Variants in STON2 observed in about 807,000 individuals in gnomAD.
STON2 encodes the protein stonin 2, also known as stonin-2.
Under a neutral mutation model 65.7 loss-of-function variants are expected in STON2, and 29 were observed. That is an observed-to-expected ratio of 0.44 (90% CI 0.33 to 0.60). STON2 has a LOEUF of 0.60. Ranked by LOEUF, STON2 falls within the 20% of genes least tolerant of loss-of-function variation. STON2 has a pLI of 0.03. For missense variants in STON2, 1,054 were observed against 1,118.1 expected, an observed-to-expected ratio of 0.94 and a Z score of 0.82; for synonymous variants, 404 against 414.2, an observed-to-expected ratio of 0.98 and a Z score of 0.30.
At chr14:81,373,672 C>T (rs899379348) in intron 3 of STON2, among the ~76,000 whole-genome samples, 1 of 152,012 alleles carries the variant, frequency 6.6e-6, no homozygotes, top group Non-Finnish European at 1.5e-5. Flanking sequence ...ATGAAGAAGG[C>T]AAACAATAAA....
chr14:81,427,733 G>A (rs936735058), intron 1 of STON2, among the ~76,000 whole-genome samples: 2 of 151,906 alleles, frequency 1.3e-5, no homozygotes, highest in African/African-American at 4.8e-5. Context: ...AAAAGAGAGA[G>A]AGAAAAAAGT....
intron 7 of STON2, chr14:81,268,757 A>G: frequency 7.6e-6 from 4 of 529,222 alleles, no homozygotes; most frequent in Non-Finnish European, 9.7e-6. Context: ...ATTTGGTCAA[A>G]GATCACCCCT....
intron 5 of STON2, among the ~76,000 whole-genome samples, chr14:81,293,521 T>C (rs1242278441): frequency 6.6e-6 from 1 of 152,214 alleles, no homozygotes; most frequent in East Asian, 1.9e-4. Context: ...CTGTGGGAGA[T>C]AACAAAAATG....
At position 81,416,383 on chromosome 14, in the gene STON2, G is replaced by A. The variant is rs558164876; in HGVS notation, c.-199+10719C>T. 5.9e-5 allele frequency among the ~76,000 whole-genome samples: 9 copies of A among 152,122 alleles called. No homozygotes were observed. The South Asian group carries it at 8.3e-4, about 14-fold the overall frequency. On this transcript the variant is annotated intron_variant, in intron 2 of 8. Transcript: ENST00000553821. ...AGAAGGAGGAGACCTTAGAAATTTCGGGAAAAAAAGGAAGTAGTGGTGTGA... is the reference window on the plus strand; with the variant it reads ...AGAAGGAGGAGACCTTAGAAATTTCAGGAAAAAAAGGAAGTAGTGGTGTGA...
chr14:81,354,804 G>A (rs1447082053), intron 4 of STON2, among the ~76,000 whole-genome samples: 1 of 152,110 alleles, frequency 6.6e-6, no homozygotes, highest in East Asian at 1.9e-4. Context: ...GGATCATGAG[G>A]TCAGGAGTTC....
intron 6 of STON2, among the ~76,000 whole-genome samples, chr14:81,273,543 T>A (rs2140107449): frequency 6.6e-6 from 1 of 152,300 alleles, no homozygotes; most frequent in South Asian, 2.1e-4. Flanking sequence ...CTTCTAAGAT[T>A]AAGAAAAACT....
At chr14:81,270,560 AGAG>A in intron 7 of STON2, 107 bp downstream of exon 7, 1 of 1,600,224 alleles carries the variant, frequency 6.2e-7, no homozygotes, top group Non-Finnish European at 8.5e-7. Context: ...TAAGGCAGTA[AGAG>A]GTTACCAGGC....
chr14:81,426,513 TCTC>T (rs1476814817), intron 2 of STON2, among the ~76,000 whole-genome samples: 1 of 152,176 alleles, frequency 6.6e-6, no homozygotes, highest in South Asian at 2.1e-4. Context: ...TCACCTGACT[TCTC>T]CTGGTGCCCA....
chr14:81,415,285 T>TGCTGAGGCCAGAGAGGCCTCA (rs138029614), intron 2 of STON2, among the ~76,000 whole-genome samples: 3 of 151,708 alleles, frequency 2.0e-5, no homozygotes, highest in Admixed American at 6.6e-5. Context: ...TTCAGAGAAA[T>TGCTGAGGCCAGAGAGGCCTCA]GCTGAGGCCA....
At chr14:81,300,826 T>C (rs932406521) in intron 5 of STON2, among the ~76,000 whole-genome samples, 1 of 152,152 alleles carries the variant, frequency 6.6e-6, no homozygotes, top group Non-Finnish European at 1.5e-5. Flanking sequence ...TCTACTCCTA[T>C]GTTTGTTCTC....
chr14:81,279,750 T>C (rs928767758), intron 5 of STON2, among the ~76,000 whole-genome samples: 1 of 151,444 alleles, frequency 6.6e-6, no homozygotes. Flanking sequence ...TAGTGCTCAA[T>C]GAGGGTAAAG....
At chr14:81,428,521 G>A (rs754861402) in intron 1 of STON2, among the ~76,000 whole-genome samples, 1 of 152,084 alleles carries the variant, frequency 6.6e-6, no homozygotes, top group South Asian at 2.1e-4. Flanking sequence ...CCAGAAGTTC[G>A]AGACTAGCCA....
In STON2 at chr14:81,370,187, T is replaced by C. The variant is rs1036729928; in HGVS notation, c.571+801A>G. On this transcript the variant is annotated intron_variant, in intron 4 of 7. Coordinates refer to ENST00000614646, the MANE Select transcript of STON2 (RefSeq NM_001394390.1). Reference sequence around the variant, plus strand: ...AATGATCTAGAAACTCTGAACAACATTGAAGAGGAAAAACAAATCTTGTCA... The same window carrying C: ...AATGATCTAGAAACTCTGAACAACACTGAAGAGGAAAAACAAATCTTGTCA... 2.6e-5 allele frequency among the ~76,000 whole-genome samples: 4 copies of C among 152,256 alleles called. No individual in the cohort carries two copies. In the East Asian group the frequency reaches 7.7e-4, roughly 29 times the overall value.
At chr14:81,334,701 TG>T (rs140006491) in intron 4 of STON2, among the ~76,000 whole-genome samples, 1,885 of 152,240 alleles carry the variant, frequency 0.012, 35 homozygotes, top group African/African-American at 0.043. Flanking sequence ...AGAAAACTAC[TG>T]GCAATCCCAA....
intron 5 of STON2, among the ~76,000 whole-genome samples, chr14:81,298,568 A>G (rs1251500350): frequency 6.6e-6 from 1 of 151,988 alleles, no homozygotes; most frequent in Non-Finnish European, 1.5e-5. Context: ...TGACACACAC[A>G]ATCTGTTGGT....
chr14:81,305,317 C>T (rs1896128847), intron 5 of STON2, among the ~76,000 whole-genome samples: 1 of 152,212 alleles, frequency 6.6e-6, no homozygotes, highest in Non-Finnish European at 1.5e-5. Context: ...CCAATTTACA[C>T]TCCCACCCAC....
At chr14:81,378,875 A>G (rs1253623677) in intron 3 of STON2, among the ~76,000 whole-genome samples, 2 of 152,236 alleles carry the variant, frequency 1.3e-5, no homozygotes, top group Admixed American at 1.3e-4. Context: ...AATAAATTTT[A>G]GTCTTTATTC....
chr14:81,282,380 T>C (rs574259304), intron 5 of STON2, among the ~76,000 whole-genome samples: 1 of 152,326 alleles, frequency 6.6e-6, no homozygotes, highest in Admixed American at 6.5e-5. Context: ...GCTTTTTAGA[T>C]ATGTGATTCT....
intron 4 of STON2, among the ~76,000 whole-genome samples, chr14:81,360,783 C>T (rs1300488922): frequency 6.6e-6 from 1 of 151,972 alleles, no homozygotes; most frequent in Non-Finnish European, 1.5e-5. Flanking sequence ...CTTAAGATTC[C>T]ACCAATAAAC....
Sources: gnomAD v4.1 joint callset for allele counts (sites outside exome capture counted in the v4.1 genomes callset) on GRCh38, gnomAD v4.1.1 for gene constraint, MANE v1.5 for transcripts, NCBI Gene and HGNC (gene_info 2026-07-23, HGNC 2026-07-21) for gene names.